Variants in CEP164 observed in about 807,000 individuals in gnomAD.
CEP164 encodes centrosomal protein 164, also known as centrosomal protein of 164 kDa.
CEP164 carries 162 observed loss-of-function variants against 182.7 expected under a neutral mutation model. That is an observed-to-expected ratio of 0.89 (90% CI 0.78 to 1.01). The LOEUF (loss-of-function observed/expected upper bound fraction) is 1.01. Among genes scored for constraint, CEP164 ranks in the 50% least tolerant of loss-of-function variants. The pLI, the probability that CEP164 is intolerant of heterozygous loss-of-function variation, is 0.00. For missense variants in CEP164, 1,735 were observed against 1,790.4 expected, an observed-to-expected ratio of 0.97 and a Z score of 0.56; for synonymous variants, 661 against 690.0, an observed-to-expected ratio of 0.96 and a Z score of 0.66.
At position 117,362,483 on chromosome 11, in the gene CEP164, T is replaced by G; in HGVS notation, c.632T>G (p.Leu211Arg). ...TATGAGGACAAGACTGCTCTCAGCC[T>G]CTTGGGTTTAGGAGAAGAAACCAAT... ...SIYEDKTALS[L>R]LGLGEETNEE... Residue 211 changes from leucine to arginine, a missense_variant, in exon 7 of 33, where the codon CTC becomes CGC. By Grantham distance (102) the Leu-to-Arg change is moderately radical. Transcript: ENST00000278935. 2 of 1,613,884 alleles carry G rather than the reference T, an allele frequency of 1.2e-6. No homozygotes were observed. The highest frequency in any genetic ancestry group is 1.7e-6 in the Non-Finnish European group (2 of 1,179,996).
intron 8 of CEP164, among the ~76,000 whole-genome samples, chr11:117,365,812 T>C (rs2041574371): frequency 5.3e-5 from 8 of 152,146 alleles, no homozygotes; most frequent in Admixed American, 5.2e-4. Flanking sequence ...ACTCCTGACC[T>C]CAGGTGATCT....
intron 11 of CEP164, among the ~76,000 whole-genome samples, chr11:117,378,612 T>A (rs2042993861): frequency 6.6e-6 from 1 of 152,196 alleles, no homozygotes; most frequent in Non-Finnish European, 1.5e-5. Context: ...GGCCAGAGGC[T>A]TAGGATGTGC....
chr11:117,397,402 G>C, intron 27 of CEP164, 89 bp downstream of exon 27: 2 of 1,284,062 alleles, frequency 1.6e-6, no homozygotes, highest in South Asian at 2.9e-5. Context: ...CCCTCAGTTG[G>C]TCATTCTCGG....
At chr11:117,392,391 C>T in intron 18 of CEP164, 88 bp downstream of exon 18, 1 of 1,566,610 alleles carries the variant, frequency 6.4e-7, no homozygotes, top group Non-Finnish European at 8.7e-7. Flanking sequence ...CCTCTCTCTC[C>T]AGCCCTGGGG....
At position 117,387,251 on chromosome 11, in the gene CEP164, A is replaced by C. The variant is rs2044075085; in HGVS notation, c.1773A>C (p.Ala591=). The change falls in exon 15 of 33, where the codon GCA becomes GCC. Residue 591 remains alanine, a synonymous_variant. Coordinates refer to ENST00000278935, the MANE Select transcript of CEP164 (RefSeq NM_014956.5). ...CCCCAGAGCAGCTCTCAGAGGCTGC[A>C]CTAAAGGCCATGGAAGAGGCAGTGG... ...VAPPEQLSEA[A]LKAMEEAVAQ... 2.5e-6 allele frequency: 4 copies of C among 1,614,098 alleles called. No homozygotes were observed. Among genetic ancestry groups the C allele is most frequent in the Non-Finnish European group, 3.4e-6 (4 of 1,180,022 alleles).
intron 27 of CEP164, among the ~76,000 whole-genome samples, chr11:117,407,479 A>G (rs532418659): frequency 6.7e-4 from 100 of 148,568 alleles, no homozygotes; most frequent in African/African-American, 2.2e-3. Flanking sequence ...AAAAAAAAAA[A>G]AGAGAAAAAG....
chr11:117,384,289 T>A (rs1262921277), intron 14 of CEP164, among the ~76,000 whole-genome samples: 1 of 152,184 alleles, frequency 6.6e-6, no homozygotes, highest in South Asian at 2.1e-4. Flanking sequence ...CAGGATCTCA[T>A]GTTGTCACCA....
intron 10 of CEP164, among the ~76,000 whole-genome samples, chr11:117,374,822 G>A (rs1212446355): frequency 6.6e-6 from 1 of 152,252 alleles, no homozygotes; most frequent in Non-Finnish European, 1.5e-5. Flanking sequence ...GCTGTGGACA[G>A]CAGGACCAGA....
chr11:117,362,990 A>C (rs926556551), intron 7 of CEP164, among the ~76,000 whole-genome samples: 18 of 152,228 alleles, frequency 1.2e-4, no homozygotes, highest in Non-Finnish European at 1.8e-4. Context: ...ATGTATTAGA[A>C]CTTTGGTCCT....
chr11:117,344,346 C>A (rs534738954), intron 4 of CEP164, 69 bp downstream of exon 4: 6 of 1,070,012 alleles, frequency 5.6e-6, no homozygotes, highest in Non-Finnish European at 8.4e-6. Context: ...TACTGGAGAT[C>A]GGTTTGAACT....
chr11:117,354,985 G>T, intron 5 of CEP164: 1 of 1,289,548 alleles, frequency 7.8e-7, no homozygotes, highest in Non-Finnish European at 1.0e-6. Context: ...TCTGCAGCTT[G>T]TCTCCTCCGT....
At position 117,409,544 on chromosome 11, in the gene CEP164, T is replaced by C; in HGVS notation, c.3749-74T>C. ...GAGGGGTGGCCAGTAGGGTCCTCCA[T>C]GACAGCTGTGTCTGGGAATGGTCCA... On this transcript the variant is annotated intron_variant, in intron 29 of 32. Coordinates refer to ENST00000278935, the MANE Select transcript of CEP164 (RefSeq NM_014956.5). This position sits in a 1 kb window ranked among gnomAD's most constrained non-coding sequence, Gnocchi z 4.4. The C allele has an allele frequency of 7.2e-7, 1 of 1,386,578 alleles. No homozygotes were observed. Among genetic ancestry groups the C allele is most frequent in the Non-Finnish European group, 9.9e-7 (1 of 1,007,066 alleles). 85.9% of individuals were successfully genotyped at this position (1,386,578 alleles called of 1,614,324 possible). A position where few individuals can be genotyped will look rare whatever the true frequency, so the allele number is the denominator to read the frequency against.
At chr11:117,357,611 G>A (rs911174429) in intron 5 of CEP164, among the ~76,000 whole-genome samples, 6 of 151,948 alleles carry the variant, frequency 3.9e-5, no homozygotes, top group Admixed American at 6.6e-5. Flanking sequence ...TAGCAGAGAC[G>A]GAGTTTTGTC....
rs1459498583 is a variant in CEP164 at position 117,411,696 on chromosome 11, GAA to G, written c.4164-97_4164-96del. 2.6e-5 allele frequency: 39 copies of G among 1,520,866 alleles called. No individual in the cohort carries two copies. The highest frequency in any genetic ancestry group is 2.2e-4 in the Middle Eastern group (1 of 4,454). The allele number at this position is 1,520,866 out of a possible 1,614,324, so 94.2% of individuals were successfully genotyped here. ...GGAGAAGCTGCTCTGGTAGCTGAGAGAAAGAGGGAGGAGGTGACAGATGTGAT... is the reference window on the plus strand; with the variant it reads ...GGAGAAGCTGCTCTGGTAGCTGAGAGAGAGGGAGGAGGTGACAGATGTGAT... On this transcript the variant is annotated intron_variant, in intron 31 of 32. Transcript: ENST00000278935. The surrounding 1 kb of genome is among the most constrained non-coding windows in gnomAD (Gnocchi z 4.4).
intron 5 of CEP164, among the ~76,000 whole-genome samples, chr11:117,353,097 C>G (rs187032812): frequency 1.7e-3 from 253 of 152,230 alleles, no homozygotes; most frequent in Non-Finnish European, 3.3e-3. Flanking sequence ...AGGCCTGGGG[C>G]AGGTGGGGCA....
chr11:117,411,845 G>T lies in CEP164; in HGVS notation c.4214G>T (p.Gly1405Val). 8.1e-6 allele frequency: 13 copies of T among 1,614,162 alleles called. No homozygotes were observed. The highest frequency in any genetic ancestry group is 1.0e-5 in the Non-Finnish European group (12 of 1,180,024). The change falls in exon 32 of 33, where the codon GGC becomes GTC. Residue 1405 changes from glycine (G) to valine (V), a missense_variant. By Grantham distance (109) the Gly-to-Val change is moderately radical. Coordinates refer to ENST00000278935, the MANE Select transcript of CEP164 (RefSeq NM_014956.5). The surrounding 1 kb of genome is among the most constrained non-coding windows in gnomAD (Gnocchi z 4.4). The part of the protein sequence containing the change: ...QHSHSQVPEA[G>V]STTFQGIIEA... ...TCCCATTCGCAAGTCCCTGAGGCGG[G>T]CAGCACCACCTTTCAGGGCATAATT...
chr11:117,382,795 G>A lies in CEP164; in HGVS notation c.1578-1G>A. 6.2e-7 allele frequency: 1 copy of A among 1,613,874 alleles called. No individual in the cohort carries two copies. The highest frequency in any genetic ancestry group is 8.5e-7 in the Non-Finnish European group (1 of 1,179,892). On this transcript the variant is annotated splice_acceptor_variant, in intron 13 of 32. Coordinates refer to ENST00000278935, the MANE Select transcript of CEP164 (RefSeq NM_014956.5). LOFTEE classifies it high-confidence loss of function. The stretch of plus-strand genomic sequence containing the variant: ...ACAGTTGTTTCCTTACTGCTATCAA[G>A]GGAGCAGGCCCCAAGCCCACCTGCT...
Position 117,371,240 on chromosome 11 carries a change from G to A in CEP164, c.926G>A (p.Gly309Asp), listed in dbSNP as rs1404296572. The change falls in exon 9 of 33, where the codon GGT becomes GAT. Residue 309 changes from glycine (G) to aspartate (D), a missense_variant. Physicochemically the swap from Gly to Asp is moderately conservative, Grantham distance 94 (BLOSUM62 -1). Transcript: ENST00000278935. ...CGACAGGGAAGTGGAGCAAGACCTG[G>A]TCTTCCAGAAAAAGAGGAAAATGAG... Reference protein sequence around the residue: ...KGRQGSGARPGLPEKEENEKS... With the variant: ...KGRQGSGARPDLPEKEENEKS... The A allele has an allele frequency of 6.2e-7, 1 of 1,614,110 alleles. No homozygotes were observed. Among genetic ancestry groups the A allele is most frequent in the Non-Finnish European group, 8.5e-7 (1 of 1,180,050 alleles).
intron 5 of CEP164, chr11:117,355,916 G>A (rs2040239707): frequency 1.9e-6 from 2 of 1,051,350 alleles, no homozygotes; most frequent in Non-Finnish European, 2.3e-6. Flanking sequence ...GGAGCCTCCT[G>A]CCAGTGAGAA....
Sources: allele counts gnomAD v4.1 joint callset (sites outside exome capture counted in the v4.1 genomes callset), GRCh38; gene constraint gnomAD v4.1.1; non-coding constraint Gnocchi (gnomAD v3.1); transcripts MANE v1.5; gene names NCBI Gene and HGNC (gene_info 2026-07-23, HGNC 2026-07-21).